Variants in LRRC63 observed in about 807,000 individuals in gnomAD.
LRRC63 encodes the protein leucine rich repeat containing 63.
LRRC63 carries 40 observed loss-of-function variants against 49.5 expected under a neutral mutation model. That is an observed-to-expected ratio of 0.81 (90% CI 0.63 to 1.05). LRRC63 has a LOEUF of 1.05. LRRC63 is among the 50% of genes least tolerant of loss of function. The pLI is 0.00. For missense variants in LRRC63, 636 were observed against 663.1 expected (o/e 0.96, Z 0.45); for synonymous variants, 191 against 221.1 (o/e 0.86, Z 1.21).
At chr13:46,256,171 A>G (rs547008849) in intron 7 of LRRC63, among the ~76,000 whole-genome samples, 43 of 152,366 alleles carry the variant, frequency 2.8e-4, no homozygotes, top group African/African-American at 1.0e-3. Flanking sequence ...TACCCATGAT[A>G]TACATGGGAA....
At chr13:46,243,717 T>C (rs921955902) in intron 5 of LRRC63, among the ~76,000 whole-genome samples, 2 of 152,314 alleles carry the variant, frequency 1.3e-5, no homozygotes, top group South Asian at 4.1e-4. Flanking sequence ...CCTCAGGTGA[T>C]CCGCCTACCT....
At chr13:46,250,606 C>G (rs1434973570) in intron 7 of LRRC63, 115 bp downstream of exon 7, 47 of 850,118 alleles carry the variant, frequency 5.5e-5, no homozygotes, top group Non-Finnish European at 8.2e-5. Context: ...AATTTGTATT[C>G]TATTCTAATT....
rs187002301 is a variant in LRRC63 at position 46,267,855 on chromosome 13, A to T, written c.1550+883A>T. Among the ~76,000 whole-genome samples the T allele has an allele frequency of 3.9e-5, 6 of 152,298 alleles. No individual in the cohort carries two copies. In the East Asian group the frequency reaches 9.6e-4, roughly 24 times the overall value. On this transcript the variant is annotated intron_variant, in intron 9 of 9. Transcript: ENST00000595396. ...ATATGGGATCATGAGATTTGGATTC[A>T]CCACAAGGTATTTGGGAAGCTGAAC...
Position 46,250,593 on chromosome 13 carries a change from A to G in LRRC63, c.1226+102A>G, listed in dbSNP as rs559104907. The G allele has an allele frequency of 3.0e-5, 30 of 989,776 alleles. No homozygotes were observed. The East Asian group carries it at 6.9e-4, about 23-fold the overall frequency. The allele number at this position is 989,776 out of a possible 1,614,324, so 61.3% of individuals were successfully genotyped here. A position where few individuals can be genotyped will look rare whatever the true frequency, so the allele number is the denominator to read the frequency against. On this transcript the variant is annotated intron_variant, in intron 7 of 9. Transcript: ENST00000595396. ...GCAGCTAGCAGCTTTTTGGCTATTTAGTAATTTGTATTCTATTCTAATTAG... is the reference window on the plus strand; with the variant it reads ...GCAGCTAGCAGCTTTTTGGCTATTTGGTAATTTGTATTCTATTCTAATTAG...
chr13:46,234,138 T>C, intron 4 of LRRC63, 54 bp from the exon 5 acceptor site: 1 of 1,456,794 alleles, frequency 6.9e-7, no homozygotes, highest in African/African-American at 1.4e-5. Flanking sequence ...TTAACTTTCA[T>C]TCTAAGTGAT....
chr13:46,256,046 T>C (rs2047504292), intron 7 of LRRC63, among the ~76,000 whole-genome samples: 1 of 152,220 alleles, frequency 6.6e-6, no homozygotes, highest in South Asian at 2.1e-4. Context: ...ATTCCATTCC[T>C]TTTTAATGAT....
At chr13:46,234,236 C>G in exon 5 of LRRC63, 1 of 1,550,042 alleles carries the variant, frequency 6.5e-7, no homozygotes, top group Non-Finnish European at 8.7e-7. Flanking sequence ...ACACGTTGTA[C>G]GTGGTGAAGG....
exon 3 of LRRC63, chr13:46,227,721 C>A (rs944386758): frequency 6.5e-7 from 1 of 1,550,358 alleles, no homozygotes; most frequent in Non-Finnish European, 8.7e-7. Context: ...TGTCCGTGAG[C>A]AGATTCCAGA....
At chr13:46,253,400 G>A (rs2047434302) in intron 7 of LRRC63, among the ~76,000 whole-genome samples, 1 of 151,670 alleles carries the variant, frequency 6.6e-6, no homozygotes, top group African/African-American at 2.4e-5. Context: ...GCACGATACA[G>A]GAATTTTAAT....
chr13:46,266,177 C>T (rs1331530815), intron 8 of LRRC63, among the ~76,000 whole-genome samples: 1 of 152,056 alleles, frequency 6.6e-6, no homozygotes, highest in Non-Finnish European at 1.5e-5. Flanking sequence ...TACAAAAATA[C>T]CATTAAGGCA....
In LRRC63 at chr13:46,276,740, TG is replaced by T. The variant is rs2047842306; in HGVS notation, c.1702del (p.Val568PhefsTer2). On this transcript the variant is annotated frameshift_variant, in exon 10 of 10. Transcript: ENST00000595396. LOFTEE classifies it low-confidence loss of function (END_TRUNC). ...ATAGAAGAATAAAGGAAAGCAGTTT[TG>T]TTTTAGATGGTAGTCCTAGTAGAAG... 8.1e-7 allele frequency: 1 copy of T among 1,227,638 alleles called. No individual in the cohort carries two copies. The highest frequency in any genetic ancestry group is 1.0e-6 in the Non-Finnish European group (1 of 985,370). The allele number at this position is 1,227,638 out of a possible 1,614,324, so 76.0% of individuals were successfully genotyped here.
intron 8 of LRRC63, among the ~76,000 whole-genome samples, chr13:46,264,433 T>TTAGTTAG (rs1555329615): frequency 5.1e-5 from 7 of 136,450 alleles, no homozygotes; most frequent in African/African-American, 2.3e-4. Context: ...TATTTATTTA[T>TTAGTTAG]TTATTTAGTT....
chr13:46,277,083 C>A (rs945789311), exon 10 of LRRC63: 1 of 151,564 alleles, frequency 6.6e-6, no homozygotes. Context: ...ATTAGTAAAG[C>A]CTTTAGATTT....
chr13:46,217,418 C>T lies in LRRC63; in HGVS notation c.85+4299C>T, dbSNP rs992956354. On this transcript the variant is annotated intron_variant, in intron 2 of 9. Coordinates refer to ENST00000595396, the Ensembl canonical transcript of LRRC63. Reference sequence around the variant, plus strand: ...TGCATAGAGGTGTTTATAGTATTCTCTGATGGTAGTTTGTATTTCTGTGGG... The same window carrying T: ...TGCATAGAGGTGTTTATAGTATTCTTTGATGGTAGTTTGTATTTCTGTGGG... Among the ~76,000 whole-genome samples, 6 of 152,212 alleles carry T rather than the reference C, an allele frequency of 3.9e-5. No individual in the cohort carries two copies. In the South Asian group the frequency reaches 1.0e-3, roughly 26 times the overall value.
intron 9 of LRRC63, among the ~76,000 whole-genome samples, chr13:46,273,610 A>AG (rs2138599041): frequency 6.6e-6 from 1 of 150,768 alleles, no homozygotes; most frequent in Non-Finnish European, 1.5e-5. Context: ...TTAAAAAAAA[A>AG]AAAAAAAAAA....
chr13:46,227,612 TC>T lies in LRRC63; in HGVS notation c.187del (p.Gln63AsnfsTer3), dbSNP rs2046613400. On this transcript the variant is annotated frameshift_variant, in exon 3 of 10. Transcript: ENST00000595396. LOFTEE classifies it high-confidence loss of function. ...CTCGTTTTCCTGATGTTTTAAGAAA[TC>T]AATCACTAACACCTATCAATATCCA... is the stretch of plus-strand genomic sequence containing the variant. The T allele has an allele frequency of 6.5e-7, 1 of 1,549,716 alleles. No homozygotes were observed. Among genetic ancestry groups the T allele is most frequent in the Non-Finnish European group, 8.7e-7 (1 of 1,146,522 alleles).
intron 5 of LRRC63, among the ~76,000 whole-genome samples, chr13:46,238,857 C>G (rs2046977564): frequency 6.6e-6 from 1 of 152,144 alleles, no homozygotes; most frequent in Non-Finnish European, 1.5e-5. Context: ...CATACAATTA[C>G]ATGAAAATTA....
At chr13:46,250,711 C>G (rs1158344236) in intron 7 of LRRC63, among the ~76,000 whole-genome samples, 4 of 151,888 alleles carry the variant, frequency 2.6e-5, no homozygotes, top group Admixed American at 2.6e-4. Context: ...TTTAGAAACA[C>G]GTTATCTGAG....
At chr13:46,241,078 C>T (rs1472916364) in intron 5 of LRRC63, among the ~76,000 whole-genome samples, 3 of 152,150 alleles carry the variant, frequency 2.0e-5, no homozygotes, top group Non-Finnish European at 2.9e-5. Flanking sequence ...TACCTGCCTT[C>T]GTACTATACT....
Sources: gnomAD v4.1 joint callset for allele counts (sites outside exome capture counted in the v4.1 genomes callset) on GRCh38, gnomAD v4.1.1 for gene constraint, MANE v1.5 for transcripts, NCBI Gene and HGNC (gene_info 2026-07-23, HGNC 2026-07-21) for gene names.